Variants in CAPN11 observed in about 807,000 individuals in gnomAD.
The protein encoded by CAPN11 is calpain-11.
Under a neutral mutation model 105.3 loss-of-function variants are expected in CAPN11, and 108 were observed. The observed-to-expected ratio is 1.03, with a 90% confidence interval of 0.88 to 1.20. The LOEUF (loss-of-function observed/expected upper bound fraction) is 1.20. Among genes scored for constraint, CAPN11 ranks in the 50% most tolerant of loss-of-function variants. The probability of loss-of-function intolerance (pLI) is 0.00; values close to 1 mark genes in which losing one functional copy is unlikely to be tolerated. For missense variants in CAPN11, 883 were observed against 924.8 expected (o/e 0.95, Z 0.59); for synonymous variants, 329 against 344.5 (o/e 0.96, Z 0.50).
In CAPN11 at chr6:44,176,261, C is replaced by T. The variant is rs1364466638; in HGVS notation, c.924C>T (p.Tyr308=). 2 of 1,613,912 alleles carry T rather than the reference C, an allele frequency of 1.2e-6. No homozygotes were observed. The highest frequency in any genetic ancestry group is 1.7e-5 in the Admixed American group (1 of 60,020). ...CACCCCCGCCCACCCAGGTCCACTA[C>T]AGAGGCAAAATGGAAACACTGATTC... The part of the protein sequence containing the change: ...YSVTGLQDVH[Y]RGKMETLIRV... The change falls in exon 9 of 23, where the codon TAC becomes TAT. Residue 308 remains tyrosine, a synonymous_variant. Transcript: ENST00000398776.
At chr6:44,161,174 T>TG (rs1330553101) in intron 1 of CAPN11, among the ~76,000 whole-genome samples, 4 of 107,022 alleles carry the variant, frequency 3.7e-5, no homozygotes, top group Non-Finnish European at 7.6e-5. Context: ...TATTTTCTTT[T>TG]GGGTTTTTTT....
chr6:44,183,814 CT>C (rs1356053923), intron 22 of CAPN11, 51 bp downstream of exon 22: 1 of 1,594,030 alleles, frequency 6.3e-7, no homozygotes, highest in Non-Finnish European at 8.6e-7. Context: ...CTGCCTGCCC[CT>C]CAACCCCACC....
At position 44,178,750 on chromosome 6, in the gene CAPN11, T is replaced by TA. The variant is rs35225903; in HGVS notation, c.1417-846dup. Among the ~76,000 whole-genome samples the TA allele has an allele frequency of 4.7e-4, 55 of 116,030 alleles. No homozygotes were observed. In the East Asian group the frequency reaches 5.3e-3, roughly 11 times the overall value. 76.1% of individuals were successfully genotyped at this position (116,030 alleles called of 152,430 possible). A position where few individuals can be genotyped will look rare whatever the true frequency, so the allele number is the denominator to read the frequency against. ...CAACACAGCAAGACCCTGTCTCGATTAAAAAAAAAAAAAAAAAAAAAAATT... is the reference window on the plus strand; with the variant it reads ...CAACACAGCAAGACCCTGTCTCGATTAAAAAAAAAAAAAAAAAAAAAAAATT... On this transcript the variant is annotated intron_variant, in intron 12 of 22. Transcript: ENST00000398776.
At chr6:44,176,553 C>T (rs1772059263) in intron 9 of CAPN11, 28 bp from the exon 10 acceptor site, 1 of 1,606,560 alleles carries the variant, frequency 6.2e-7, no homozygotes, top group Admixed American at 1.7e-5. Flanking sequence ...CTCCGCCCCT[C>T]TCCTTCCACC....
At chr6:44,167,497 CAAAAAAAAAAAAAA>C (rs61107654) in intron 2 of CAPN11, among the ~76,000 whole-genome samples, 1 of 27,074 alleles carries the variant, frequency 3.7e-5, no homozygotes, top group Non-Finnish European at 7.6e-5. Context: ...GACTCCATCT[CAAAAAAAAAAAAAA>C]AAAAAAAAAA....
In CAPN11 at chr6:44,179,525, C is replaced by G. The variant is rs996802207; in HGVS notation, c.1417-94C>G. ...ATACCCCTCCAACAACACACACACA[C>G]AGACACACACTATACACATCCCACT... On this transcript the variant is annotated intron_variant, in intron 12 of 22. Transcript: ENST00000398776. The G allele has an allele frequency of 1.7e-5, 19 of 1,124,772 alleles. 1 individual carries two copies. Among genetic ancestry groups the G allele is most frequent in the South Asian group, 9.9e-5 (8 of 80,782 alleles). The allele number at this position is 1,124,772 out of a possible 1,614,324, so 69.7% of individuals were successfully genotyped here.
At chr6:44,168,049 C>CA (rs377072992) in intron 2 of CAPN11, among the ~76,000 whole-genome samples, 92 of 151,996 alleles carry the variant, frequency 6.1e-4, no homozygotes, top group African/African-American at 2.1e-3. Flanking sequence ...ACCCAAAAAA[C>CA]AGAGTGTATA....
chr6:44,167,497 C>CAAAAAAA (rs61107654), intron 2 of CAPN11, among the ~76,000 whole-genome samples: 8 of 27,052 alleles, frequency 3.0e-4, no homozygotes, highest in African/African-American at 4.9e-4. Flanking sequence ...GACTCCATCT[C>CAAAAAAA]AAAAAAAAAA....
chr6:44,176,469 C>A (rs939027812), intron 9 of CAPN11, 112 bp from the exon 10 acceptor site: 4 of 1,301,086 alleles, frequency 3.1e-6, no homozygotes, highest in African/African-American at 1.5e-5. Context: ...GATTCTCCAT[C>A]TAGCTCCGCA....
intron 4 of CAPN11, among the ~76,000 whole-genome samples, chr6:44,172,050 A>G (rs1582871292): frequency 6.6e-6 from 1 of 152,218 alleles, no homozygotes; most frequent in East Asian, 1.9e-4. Flanking sequence ...TGGGTGACAC[A>G]GCAAGACACT....
At chr6:44,181,578 A>ACT (rs1373406592) in intron 19 of CAPN11, among the ~76,000 whole-genome samples, 2 of 48,514 alleles carry the variant, frequency 4.1e-5, no homozygotes, top group African/African-American at 7.6e-5. Context: ...ACCACACCAC[A>ACT]CATACACACT....
At chr6:44,174,491 A>C (rs1376990237) in intron 7 of CAPN11, among the ~76,000 whole-genome samples, 2 of 149,186 alleles carry the variant, frequency 1.3e-5, no homozygotes, top group East Asian at 3.9e-4. Context: ...CAGCCTAAGA[A>C]ATATAGTGAG....
At chr6:44,175,953 A>G (rs1011919110) in intron 7 of CAPN11, 115 bp from the exon 8 acceptor site, 13 of 634,640 alleles carry the variant, frequency 2.0e-5, no homozygotes, top group African/African-American at 3.7e-5. Context: ...TAATAATTTA[A>G]AAGTTTAGTT....
rs1167986476 is a variant in CAPN11, at chr6:44,183,864, C to G, written c.2194-42C>G. ...GATGTCCCCGGGCCAGCATCCTGCCCCCGTCTCTTCCCACCCTGGGATCTG... is the reference window on the plus strand; with the variant it reads ...GATGTCCCCGGGCCAGCATCCTGCCGCCGTCTCTTCCCACCCTGGGATCTG... On this transcript the variant is annotated intron_variant, in intron 22 of 22. Transcript: ENST00000398776. The G allele has an allele frequency of 5.7e-6, 9 of 1,566,234 alleles. No homozygotes were observed. The South Asian group carries it at 7.0e-5, about 12-fold the overall frequency.
At position 44,166,442 on chromosome 6, in the gene CAPN11, G is replaced by A. The variant is rs373826979; in HGVS notation, c.17-316G>A. Among the ~76,000 whole-genome samples, 9 of 152,274 alleles carry A rather than the reference G, an allele frequency of 5.9e-5. No homozygotes were observed. The South Asian group carries it at 1.5e-3, about 25-fold the overall frequency. On this transcript the variant is annotated intron_variant, in intron 1 of 22. Transcript: ENST00000398776. ...GGTATTGCAGGTACCCCCTTGTAGG[G>A]CTGGCGTGCCTGGCACAGAGAAGGT...
chr6:44,169,099 TA>T (rs1037657671), intron 2 of CAPN11, 181 bp from the exon 3 acceptor site: 16 of 671,530 alleles, frequency 2.4e-5, no homozygotes, highest in Middle Eastern at 2.6e-4. Context: ...CCCAGCTAAT[TA>T]AAAAAAATTT....
chr6:44,180,229 G>A (rs955209824), intron 14 of CAPN11, 66 bp downstream of exon 14: 1 of 1,242,114 alleles, frequency 8.1e-7, no homozygotes, highest in Non-Finnish European at 1.2e-6. Context: ...CAAGCTCAGG[G>A]AGCTGCTGTC....
intron 1 of CAPN11, among the ~76,000 whole-genome samples, chr6:44,160,003 G>C (rs542397698): frequency 1.4e-4 from 21 of 152,106 alleles, no homozygotes; most frequent in Non-Finnish European, 8.8e-5. Context: ...GCGTGGTGGC[G>C]GGCGCCTGTA....
In CAPN11 at chr6:44,169,262, C is replaced by G; in HGVS notation, c.89-19C>G. On this transcript the variant is annotated intron_variant, in intron 2 of 22. Coordinates refer to ENST00000398776, the MANE Select transcript of CAPN11 (RefSeq NM_007058.4). ...TACATTTTTTACTTGCGTTATTTCT[C>G]TTTTTTTTTCTTAAGCAGAGCCCAC... The G allele has an allele frequency of 6.4e-7, 1 of 1,562,542 alleles. No individual in the cohort carries two copies. Among genetic ancestry groups the G allele is most frequent in the Admixed American group, 1.9e-5 (1 of 53,688 alleles).
Sources: allele counts gnomAD v4.1 joint callset (sites outside exome capture counted in the v4.1 genomes callset), GRCh38; gene constraint gnomAD v4.1.1; transcripts MANE v1.5; gene names NCBI Gene and HGNC (gene_info 2026-07-23, HGNC 2026-07-21).